The following NAA50 variants were observed in gnomAD, a reference collection of about 807,000 sequenced individuals.
The protein encoded by NAA50 is N-alpha-acetyltransferase 50, NatE catalytic subunit.
NAA50 carries 7 observed loss-of-function variants against 20.7 expected under a neutral mutation model. That is an observed-to-expected ratio of 0.34 (90% confidence interval 0.19 to 0.63). The LOEUF (loss-of-function observed/expected upper bound fraction) is 0.63. Ranked by LOEUF, NAA50 falls within the 30% of genes least tolerant of loss-of-function variation. The pLI is 0.75. For synonymous variants in NAA50, 54 were observed against 70.6 expected (o/e 0.77, Z 1.18); for missense variants, 111 against 199.1 (o/e 0.56, Z 2.66).
rs550945234 is a variant in NAA50, at chr3:113,720,879, C to T, written c.*881G>A. On this transcript the variant is annotated 3_prime_UTR_variant, in exon 5 of 5. Coordinates refer to ENST00000240922, the MANE Select transcript of NAA50 (RefSeq NM_025146.4). ...ATTTAGGGGTAGTGACCTATAAGGA[C>T]ATCAACTCAATTTTTAAGGTTAGAC... 1 of 152,408 alleles carries T rather than the reference C, an allele frequency of 6.6e-6. No homozygotes were observed. The highest frequency in any genetic ancestry group is 6.6e-5 in the Admixed American group (1 of 15,248). 9.4% of individuals were successfully genotyped at this position (152,408 alleles called of 1,614,324 possible).
intron 1 of NAA50, among the ~76,000 whole-genome samples, chr3:113,745,535 A>C (rs1708480645): frequency 1.3e-5 from 2 of 152,198 alleles, no homozygotes; most frequent in African/African-American, 2.4e-5. Flanking sequence ...CAAACACCGC[A>C]GTTCCAGAGT....
chr3:113,742,959 GAGA>G (rs555624973), intron 1 of NAA50, among the ~76,000 whole-genome samples: 120 of 152,208 alleles, frequency 7.9e-4, no homozygotes, highest in African/African-American at 2.6e-3. Flanking sequence ...GCCTTCCCTA[GAGA>G]AGAACAGATA....
intron 1 of NAA50, among the ~76,000 whole-genome samples, chr3:113,725,635 G>A (rs553953078): frequency 2.3e-4 from 35 of 152,002 alleles, no homozygotes; most frequent in African/African-American, 5.8e-4. Context: ...GTGTGGTGGC[G>A]TGCACCTATG....
At chr3:113,727,590 G>T (rs1007951096) in intron 1 of NAA50, among the ~76,000 whole-genome samples, 1 of 150,814 alleles carries the variant, frequency 6.6e-6, no homozygotes, top group Non-Finnish European at 1.5e-5. Context: ...TTAGGAAATA[G>T]GCAGCTTAAT....
intron 1 of NAA50, among the ~76,000 whole-genome samples, chr3:113,737,760 A>T (rs1161847964): frequency 6.6e-6 from 1 of 152,152 alleles, no homozygotes; most frequent in Non-Finnish European, 1.5e-5. Context: ...ACTCAGCAGC[A>T]TCCCTAGATT....
In NAA50 at chr3:113,720,694, C is replaced by CA. The variant is rs948590849; in HGVS notation, c.*1065dup. 1 of 152,444 alleles carries CA rather than the reference C, an allele frequency of 6.6e-6. No homozygotes were observed. Among genetic ancestry groups the CA allele is most frequent in the Non-Finnish European group, 1.5e-5 (1 of 68,006 alleles). 9.4% of individuals were successfully genotyped at this position (152,444 alleles called of 1,614,324 possible). ...TGCAATAGCACAGCTATGTTATTCT[C>CA]AAAAATACTATTTTTTCCTATAAAA... On this transcript the variant is annotated 3_prime_UTR_variant, in exon 5 of 5. Transcript: ENST00000240922.
intron 1 of NAA50, among the ~76,000 whole-genome samples, chr3:113,726,744 A>C (rs1331195631): frequency 7.0e-5 from 9 of 128,530 alleles, no homozygotes; most frequent in East Asian, 4.7e-4. Flanking sequence ...ACTCCGCCTC[A>C]AAAAAAAAAA....
chr3:113,723,594 A>T lies in NAA50; in HGVS notation c.146-53T>A, dbSNP rs907081443. 4.7e-5 allele frequency: 72 copies of T among 1,532,982 alleles called. 1 individual carries two copies. The highest frequency in any genetic ancestry group is 6.1e-5 in the Non-Finnish European group (69 of 1,138,682). 95.0% of individuals were successfully genotyped at this position (1,532,982 alleles called of 1,614,324 possible). ...GTTGAACAGACAGAATAACACATTT[A>T]ATCTTTTTCCCTTTTAAAGGACTAC... On this transcript the variant is annotated intron_variant, in intron 2 of 4. Coordinates refer to ENST00000240922, the MANE Select transcript of NAA50 (RefSeq NM_025146.4).
intron 2 of NAA50, chr3:113,723,746 TACACTAAGA>T: frequency 8.8e-6 from 7 of 795,938 alleles, no homozygotes; most frequent in Non-Finnish European, 9.4e-6. Context: ...CACACAGGTA[TACACTAAGA>T]ACACTAAGCA....
intron 1 of NAA50, chr3:113,741,173 T>C (rs1429759652): frequency 5.7e-6 from 3 of 523,584 alleles, no homozygotes; most frequent in Admixed American, 2.4e-5. Context: ...AACATGAACA[T>C]TACTACATGT....
At position 113,725,672 on chromosome 3, in the gene NAA50, GA is replaced by G. The variant is rs550788046; in HGVS notation, c.9-1578del. ...TCCCAGCTACTTAGAAGGCTGAAGT[GA>G]GAGGACTGCTTGAGCCTGGAAGGTC... On this transcript the variant is annotated intron_variant, in intron 1 of 4. Coordinates refer to ENST00000240922, the MANE Select transcript of NAA50 (RefSeq NM_025146.4). Among the ~76,000 whole-genome samples, 907 of 152,200 alleles carry G rather than the reference GA, an allele frequency of 6.0e-3. 4 individuals are homozygous for G. The highest frequency in any genetic ancestry group is 0.01 in the Non-Finnish European group (711 of 68,004).
At chr3:113,727,463 A>C (rs1708213780) in intron 1 of NAA50, among the ~76,000 whole-genome samples, 2 of 152,330 alleles carry the variant, frequency 1.3e-5, no homozygotes, top group Admixed American at 1.3e-4. Context: ...TCATACAAGA[A>C]GAAAAAGTGG....
intron 1 of NAA50, among the ~76,000 whole-genome samples, chr3:113,743,074 G>A (rs1708439405): frequency 6.6e-6 from 1 of 152,056 alleles, no homozygotes; most frequent in African/African-American, 2.4e-5. Context: ...ACTTCTACAT[G>A]TGCATATAAA....
intron 1 of NAA50, among the ~76,000 whole-genome samples, chr3:113,735,421 T>C (rs373981245): frequency 1.2e-4 from 19 of 152,204 alleles, no homozygotes; most frequent in African/African-American, 4.3e-4. Context: ...GGCATGTGCG[T>C]AAATTCCTAA....
chr3:113,736,208 G>A (rs1443175106), intron 1 of NAA50, among the ~76,000 whole-genome samples: 1 of 152,128 alleles, frequency 6.6e-6, no homozygotes, highest in Non-Finnish European at 1.5e-5. Context: ...CAAGTAAACT[G>A]GTGTGATGTG....
chr3:113,721,743 GT>G lies in NAA50; in HGVS notation c.*16del, dbSNP rs1485955716. On this transcript the variant is annotated 3_prime_UTR_variant, in exon 5 of 5. Coordinates refer to ENST00000240922, the MANE Select transcript of NAA50 (RefSeq NM_025146.4). ...TTTGGCGACAAGCAAGTGCAAGAAA[GT>G]TCATTTGTAATTTGTTCAGTTGTCT... 6.2e-6 allele frequency: 10 copies of G among 1,613,302 alleles called. No individual in the cohort carries two copies. Among genetic ancestry groups the G allele is most frequent in the Non-Finnish European group, 8.5e-6 (10 of 1,179,588 alleles).
intron 1 of NAA50, among the ~76,000 whole-genome samples, chr3:113,732,760 T>C (rs1339755308): frequency 6.6e-6 from 1 of 152,254 alleles, no homozygotes; most frequent in Admixed American, 6.5e-5. Context: ...TAATAATTTT[T>C]GAAGGACACT....
chr3:113,723,614 GACT>G, intron 2 of NAA50, 73 bp from the exon 3 acceptor site: 2 of 1,440,670 alleles, frequency 1.4e-6, no homozygotes, highest in Middle Eastern at 1.9e-4. Flanking sequence ...CCTTTTAAAG[GACT>G]ACACTGTTCC....
Position 113,721,925 on chromosome 3 carries a change from G to T in NAA50, c.345C>A (p.Ile115=), listed in dbSNP as rs377277670. 1.2e-6 allele frequency: 2 copies of T among 1,613,456 alleles called. No homozygotes were observed. Among genetic ancestry groups the T allele is most frequent in the African/African-American group, 2.7e-5 (2 of 74,836 alleles). The change falls in exon 5 of 5, where the codon ATC becomes ATA. Residue 115 remains isoleucine, a synonymous_variant. Coordinates refer to ENST00000240922, the MANE Select transcript of NAA50 (RefSeq NM_025146.4). ...AGAAGTCAATTGCCGACTCATTGCT[G>T]ATCTGGACATGCCTGAGATATAAGA... is the stretch of plus-strand genomic sequence containing the variant. ...TFDNIYLHVQ[I]SNESAIDFYR...
Sources: allele counts gnomAD v4.1 joint callset (sites outside exome capture counted in the v4.1 genomes callset), GRCh38; gene constraint gnomAD v4.1.1; transcripts MANE v1.5; gene names NCBI Gene and HGNC (gene_info 2026-07-23, HGNC 2026-07-21).